ANKRD11: variants seen among roughly 807,000 people sequenced by gnomAD.
ANKRD11 encodes the protein ankyrin repeat domain-containing protein 11.
In ANKRD11, 17 loss-of-function variants were observed where a neutral mutation model predicts 195.7. The ratio of observed to expected loss-of-function variants is 0.09; its 90% CI spans 0.06 to 0.13. The LOEUF (loss-of-function observed/expected upper bound fraction) is 0.13, where lower values mean the gene tolerates loss of function less well. Among genes scored for constraint, ANKRD11 ranks in the 10% least tolerant of loss-of-function variants. ANKRD11 has a pLI of 1.00. For synonymous variants in ANKRD11, 1,953 were observed against 1,528.1 expected (o/e 1.28, Z -6.49); for missense variants, 3,735 against 3,566.1 (o/e 1.05, Z -1.21).
chr16:89,480,666 A>G (rs1163210182), intron 1 of ANKRD11, among the ~76,000 whole-genome samples: 1 of 151,984 alleles, frequency 6.6e-6, no homozygotes, highest in East Asian at 1.9e-4. Context: ...GCAGGCTTCA[A>G]CCTCCAAAAT....
In ANKRD11 at chr16:89,280,701, G is replaced by C. The variant is rs749270925; in HGVS notation, c.5841C>G (p.Pro1947=). 6.2e-7 allele frequency: 1 copy of C among 1,613,400 alleles called. No individual in the cohort carries two copies. The highest frequency in any genetic ancestry group is 8.5e-7 in the Non-Finnish European group (1 of 1,179,896). The change falls in exon 9 of 13, where the codon CCC becomes CCG. Residue 1947 remains proline, a synonymous_variant. Transcript: ENST00000301030. ...GCTCGGAGGGGTGGGCCCACTCAAC[G>C]GGCTCCTCGGTGATGACGGCGCTGA... The part of the protein sequence containing the change: ...GPFSAVITEE[P]VEWAHPSEQA...
At chr16:89,415,261 CTTTTTTTT>C (rs34004237) in intron 2 of ANKRD11, among the ~76,000 whole-genome samples, 1 of 84,532 alleles carries the variant, frequency 1.2e-5, no homozygotes, top group Non-Finnish European at 2.2e-5. Flanking sequence ...GCCAGCTATT[CTTTTTTTT>C]TTTTTTTTTT....
At chr16:89,341,763 G>A (rs1041143990) in intron 2 of ANKRD11, among the ~76,000 whole-genome samples, 9 of 152,228 alleles carry the variant, frequency 5.9e-5, no homozygotes, top group African/African-American at 2.2e-4. Context: ...CTGCACAAAC[G>A]TGCACAAACA....
intron 1 of ANKRD11, among the ~76,000 whole-genome samples, chr16:89,487,319 A>C (rs1441546397): frequency 6.6e-6 from 1 of 152,190 alleles, no homozygotes; most frequent in Non-Finnish European, 1.5e-5. Context: ...AGATCAAAAC[A>C]CTTATTTTGG....
intron 2 of ANKRD11, among the ~76,000 whole-genome samples, chr16:89,347,542 T>C (rs1446466324): frequency 6.9e-6 from 1 of 144,070 alleles, no homozygotes; most frequent in Non-Finnish European, 1.5e-5. Context: ...ACCTGGGAGA[T>C]GGAGGTTGCA....
intron 2 of ANKRD11, among the ~76,000 whole-genome samples, chr16:89,396,682 T>C (rs916162051): frequency 6.6e-6 from 1 of 152,062 alleles, no homozygotes; most frequent in Non-Finnish European, 1.5e-5. Context: ...TAATTGCTAT[T>C]TGTTGTTGTT....
intron 1 of ANKRD11, among the ~76,000 whole-genome samples, chr16:89,464,619 A>AAG (rs2056819584): frequency 1.3e-5 from 2 of 151,390 alleles, no homozygotes; most frequent in South Asian, 4.2e-4. Context: ...AAAAAAAAAA[A>AAG]AAAAGAAAAG....
In ANKRD11 at chr16:89,431,502, C is replaced by T. The variant is rs115170657; in HGVS notation, c.-144-13134G>A. Among the ~76,000 whole-genome samples, 203 of 152,290 alleles carry T rather than the reference C, an allele frequency of 1.3e-3. 1 individual carries two copies. The highest frequency in any genetic ancestry group is 4.7e-3 in the African/African-American group (195 of 41,540). ...TGTGTTTCTTGTGAGAAACATGGAACATAACTGGCACTCATCTAGCATGGT... is the reference window on the plus strand; with the variant it reads ...TGTGTTTCTTGTGAGAAACATGGAATATAACTGGCACTCATCTAGCATGGT... On this transcript the variant is annotated intron_variant, in intron 1 of 12. Transcript: ENST00000301030.
At chr16:89,448,762 G>A (rs1341145010) in intron 1 of ANKRD11, among the ~76,000 whole-genome samples, 1 of 152,150 alleles carries the variant, frequency 6.6e-6, no homozygotes, top group Non-Finnish European at 1.5e-5. Context: ...AGACGGTGCT[G>A]GACTAGCAGT....
intron 1 of ANKRD11, among the ~76,000 whole-genome samples, chr16:89,479,283 A>G (rs1019480692): frequency 6.6e-6 from 1 of 152,020 alleles, no homozygotes; most frequent in African/African-American, 2.4e-5. Flanking sequence ...AGGAAAAAAA[A>G]AACACTAATT....
At chr16:89,433,466 T>C (rs575309198) in intron 1 of ANKRD11, among the ~76,000 whole-genome samples, 1 of 152,286 alleles carries the variant, frequency 6.6e-6, no homozygotes, top group South Asian at 2.1e-4. Context: ...TCAAACATAC[T>C]ATTCAGAACA....
intron 1 of ANKRD11, among the ~76,000 whole-genome samples, chr16:89,468,556 TTAGCCGA>T (rs2056960356): frequency 6.6e-6 from 1 of 152,062 alleles, no homozygotes; most frequent in South Asian, 2.1e-4. Context: ...AATACAAAAA[TTAGCCGA>T]GCGCGGTGGC....
Position 89,325,643 on chromosome 16 carries a change from G to A in ANKRD11, c.-59-8565C>T, listed in dbSNP as rs545863984. On this transcript the variant is annotated intron_variant, in intron 2 of 12. Coordinates refer to ENST00000301030, the MANE Select transcript of ANKRD11 (RefSeq NM_013275.6). The stretch of plus-strand genomic sequence containing the variant: ...CCTGGCGGATGGAATTGGAAGGGAC[G>A]GTGAAACGGGTTCTAAGTGAAGGCT... Among the ~76,000 whole-genome samples, 10 of 152,346 alleles carry A rather than the reference G, an allele frequency of 6.6e-5. No individual in the cohort carries two copies. In the East Asian group the frequency reaches 1.2e-3, roughly 18 times the overall value.
At position 89,291,596 on chromosome 16, in the gene ANKRD11, C is replaced by T. The variant is rs1435725872; in HGVS notation, c.227-413G>A. 3 of 1,067,374 alleles carry T rather than the reference C, an allele frequency of 2.8e-6. No individual in the cohort carries two copies. In the African/African-American group the frequency reaches 4.9e-5, roughly 17 times the overall value. The allele number at this position is 1,067,374 out of a possible 1,614,324, so 66.1% of individuals were successfully genotyped here. Reference sequence around the variant, plus strand: ...TGTAATTCAATTCCACCTTCCCCGTCCCTCCTCCAAACAGTGCAGATATAA... The same window carrying T: ...TGTAATTCAATTCCACCTTCCCCGTTCCTCCTCCAAACAGTGCAGATATAA... On this transcript the variant is annotated intron_variant, in intron 4 of 12. Transcript: ENST00000301030. The surrounding 1 kb of genome is among the most constrained non-coding windows in gnomAD (Gnocchi z 5.3).
intron 4 of ANKRD11, among the ~76,000 whole-genome samples, chr16:89,295,982 TGC>T (rs1567600646): frequency 5.1e-5 from 6 of 117,876 alleles, no homozygotes; most frequent in East Asian, 2.5e-4. Flanking sequence ...TCTATCTGGC[TGC>T]CTTTTTTTTT....
intron 1 of ANKRD11, among the ~76,000 whole-genome samples, chr16:89,469,632 C>T (rs548806729): frequency 1.3e-3 from 190 of 151,694 alleles, no homozygotes; most frequent in African/African-American, 4.2e-3. Flanking sequence ...GGCGCGGTGG[C>T]TCACACCTGT....
At chr16:89,384,235 C>A (rs1225799919) in intron 2 of ANKRD11, among the ~76,000 whole-genome samples, 5 of 152,020 alleles carry the variant, frequency 3.3e-5, no homozygotes, top group Non-Finnish European at 7.4e-5. Context: ...CAAACAAAAA[C>A]AAACATTTCT....
chr16:89,410,135 A>G (rs2042059018), intron 2 of ANKRD11, among the ~76,000 whole-genome samples: 1 of 152,170 alleles, frequency 6.6e-6, no homozygotes, highest in South Asian at 2.1e-4. Context: ...CACCGCGTCC[A>G]GCCTCAATCT....
chr16:89,391,192 A>C lies in ANKRD11; in HGVS notation c.-60+27092T>G, dbSNP rs557864043. On this transcript the variant is annotated intron_variant, in intron 2 of 12. Coordinates refer to ENST00000301030, the MANE Select transcript of ANKRD11 (RefSeq NM_013275.6). ...GCAGTGAGCCGAGATCGCGCCACTG[A>C]ACTCCAGCCTGGGCGACAGAGCGAG... Among the ~76,000 whole-genome samples the C allele has an allele frequency of 1.3e-4, 19 of 149,938 alleles. 1 individual carries two copies. The South Asian group carries it at 3.2e-3, about 25-fold the overall frequency.
Sources: gnomAD v4.1 joint callset for allele counts (sites outside exome capture counted in the v4.1 genomes callset) on GRCh38, gnomAD v4.1.1 for gene constraint, Gnocchi (gnomAD v3.1) non-coding constraint, MANE v1.5 for transcripts, NCBI Gene and HGNC (gene_info 2026-07-23, HGNC 2026-07-21) for gene names.